The following CDH6 variants were observed in gnomAD, a reference collection of about 807,000 sequenced individuals.
CDH6 encodes cadherin 6.
In CDH6, 31 loss-of-function variants were observed where a neutral mutation model predicts 78.0. The observed-to-expected ratio is 0.40, with a 90% confidence interval of 0.30 to 0.54. CDH6 has a LOEUF of 0.54. Among genes scored for constraint, CDH6 ranks in the 20% least tolerant of loss-of-function variants. The pLI, the probability that CDH6 is intolerant of heterozygous loss-of-function variation, is 0.56. For synonymous variants in CDH6, 376 were observed against 368.8 expected, an observed-to-expected ratio of 1.02 and a Z score of -0.23; for missense variants, 724 against 975.9, an observed-to-expected ratio of 0.74 and a Z score of 3.44.
chr5:31,316,241 A>G lies in CDH6; in HGVS notation c.1424A>G (p.Tyr475Cys). ...AAGCAAAGTAGTCGAGTACCTCTAT[A>G]TATTAAAGTTCTAGATGTCAATGAC... ...NPKQSSRVPLYIKVLDVNDNA... is the reference protein window; with the variant it reads ...NPKQSSRVPLCIKVLDVNDNA... Residue 475 changes from tyrosine to cysteine, a missense_variant, in exon 9 of 12, where the codon TAT becomes TGT. Transcript: ENST00000265071. 6.2e-7 allele frequency: 1 copy of G among 1,613,184 alleles called. No homozygotes were observed.
intron 2 of CDH6, among the ~76,000 whole-genome samples, chr5:31,281,503 T>C (rs1437987308): frequency 6.6e-6 from 1 of 152,198 alleles, no homozygotes; most frequent in Non-Finnish European, 1.5e-5. Context: ...TACCACTGGC[T>C]TTCTGAAAAT....
chr5:31,272,176 A>ATTCTT (rs1411170434), intron 2 of CDH6, among the ~76,000 whole-genome samples: 1 of 152,134 alleles, frequency 6.6e-6, no homozygotes, highest in Non-Finnish European at 1.5e-5. Flanking sequence ...AATTGCCAGG[A>ATTCTT]CCTCCCAATT....
In CDH6 at chr5:31,326,680, AATTTT is replaced by A; in HGVS notation, c.*3373_*3377del. On this transcript the variant is annotated 3_prime_UTR_variant, in exon 12 of 12. Transcript: ENST00000265071. The stretch of plus-strand genomic sequence containing the variant: ...CAAAGAGTTGTGCAGAAAATCTTAA[AATTTT>A]TTTTTTTTTTTTTTTTTTTTTTTTG... 7.7e-6 allele frequency: 1 copy of A among 129,748 alleles called. No homozygotes were observed. 8.0% of individuals were successfully genotyped at this position (129,748 alleles called of 1,614,324 possible). A position where few individuals can be genotyped will look rare whatever the true frequency, so the allele number is the denominator to read the frequency against.
chr5:31,274,768 C>T (rs1259246037), intron 2 of CDH6, among the ~76,000 whole-genome samples: 1 of 152,150 alleles, frequency 6.6e-6, no homozygotes, highest in African/African-American at 2.4e-5. Flanking sequence ...TGCAGTGAGC[C>T]GAGATCTCGC....
chr5:31,218,629 A>G (rs1015835048), intron 1 of CDH6, among the ~76,000 whole-genome samples: 4 of 152,026 alleles, frequency 2.6e-5, no homozygotes, highest in Admixed American at 1.3e-4. Context: ...CTTCTGCCCA[A>G]ATATGTCCAG....
Position 31,294,286 on chromosome 5 carries a change from T to C in CDH6, c.523+30T>C. 6.3e-7 allele frequency: 1 copy of C among 1,589,538 alleles called. No homozygotes were observed. Among genetic ancestry groups the C allele is most frequent in the South Asian group, 1.2e-5 (1 of 85,988 alleles). On this transcript the variant is annotated intron_variant, in intron 3 of 11. Coordinates refer to ENST00000265071, the MANE Select transcript of CDH6 (RefSeq NM_004932.4). The surrounding 1 kb of genome is among the most constrained non-coding windows in gnomAD (Gnocchi z 4.1). ...GTGAGACGTGACTTCAGCCAAAAGC[T>C]GGCTTTCCCCTAGTGCATCCACTGA... is the stretch of plus-strand genomic sequence containing the variant.
intron 5 of CDH6, among the ~76,000 whole-genome samples, chr5:31,299,943 C>T (rs1231213316): frequency 6.6e-6 from 1 of 152,192 alleles, no homozygotes; most frequent in African/African-American, 2.4e-5. Context: ...TACAAGCATG[C>T]TGCAATTTGT....
At chr5:31,253,700 T>C (rs1039374170) in intron 1 of CDH6, among the ~76,000 whole-genome samples, 38 of 152,112 alleles carry the variant, frequency 2.5e-4, no homozygotes, top group Admixed American at 2.4e-3. Flanking sequence ...ATTCAATCAA[T>C]AGCACTGTAT....
intron 1 of CDH6, among the ~76,000 whole-genome samples, chr5:31,259,107 A>G (rs1238590730): frequency 6.6e-6 from 1 of 152,222 alleles, no homozygotes. Context: ...CCTAGCACAT[A>G]ACAAGTTCAG....
intron 1 of CDH6, among the ~76,000 whole-genome samples, chr5:31,238,821 A>G (rs1157386375): frequency 6.6e-6 from 1 of 152,232 alleles, no homozygotes; most frequent in Non-Finnish European, 1.5e-5. Context: ...CCTCTTCTCT[A>G]TACTGTGTGT....
chr5:31,205,582 A>C (rs1345167107), intron 1 of CDH6, among the ~76,000 whole-genome samples: 1 of 152,234 alleles, frequency 6.6e-6, no homozygotes, highest in Non-Finnish European at 1.5e-5. Flanking sequence ...CTGAGTTTAC[A>C]CTTTTAACAT....
chr5:31,199,512 A>ATG lies in CDH6; in HGVS notation c.-129+5628_-129+5629dup, dbSNP rs573085732. 3.0e-3 allele frequency among the ~76,000 whole-genome samples: 288 copies of ATG among 97,086 alleles called. 2 individuals are homozygous for ATG. Among genetic ancestry groups the ATG allele is most frequent in the African/African-American group, 9.3e-3 (280 of 30,104 alleles). The allele number at this position is 97,086 out of a possible 152,430, so 63.7% of individuals were successfully genotyped here. On this transcript the variant is annotated intron_variant, in intron 1 of 11. Transcript: ENST00000265071. The stretch of plus-strand genomic sequence containing the variant: ...TGTACACACACATATGTGTATATAT[A>ATG]TGTACACACACATATGTGTATATAT...
chr5:31,324,442 G>A lies in CDH6; in HGVS notation c.*1134G>A, dbSNP rs1408531433. ...GGAAACCTCTACATATTTATATAAC[G>A]TGATACATTTGGATAAACAACATTG... On this transcript the variant is annotated 3_prime_UTR_variant, in exon 12 of 12. Transcript: ENST00000265071. 4.7e-6 allele frequency: 1 copy of A among 213,380 alleles called. No homozygotes were observed. Among genetic ancestry groups the A allele is most frequent in the African/African-American group, 2.3e-5 (1 of 44,240 alleles). 13.2% of individuals were successfully genotyped at this position (213,380 alleles called of 1,614,324 possible). A position where few individuals can be genotyped will look rare whatever the true frequency, so the allele number is the denominator to read the frequency against.
intron 2 of CDH6, among the ~76,000 whole-genome samples, chr5:31,292,830 T>TATATATATATATGTGTGC (rs1737429446): frequency 3.7e-4 from 5 of 13,412 alleles, no homozygotes; most frequent in Non-Finnish European, 1.6e-3. Flanking sequence ...TGCATATATA[T>TATATATATATATGTGTGC]ATATATATAT....
At chr5:31,235,525 TA>T (rs1482182858) in intron 1 of CDH6, among the ~76,000 whole-genome samples, 7 of 152,216 alleles carry the variant, frequency 4.6e-5, no homozygotes, top group African/African-American at 1.7e-4. Flanking sequence ...CAGTGAAAAC[TA>T]AGTACTCATA....
chr5:31,282,977 T>C (rs377061794), intron 2 of CDH6, among the ~76,000 whole-genome samples: 2 of 152,162 alleles, frequency 1.3e-5, no homozygotes, highest in Middle Eastern at 6.8e-3. Flanking sequence ...AAAGTACACA[T>C]TGATAAGAAA....
chr5:31,233,736 A>G (rs922521315), intron 1 of CDH6, among the ~76,000 whole-genome samples: 2 of 152,134 alleles, frequency 1.3e-5, no homozygotes, highest in African/African-American at 4.8e-5. Flanking sequence ...GCTCATTGTC[A>G]TGATTCCAGT....
At chr5:31,304,171 A>AAAC (rs1305291631) in intron 6 of CDH6, among the ~76,000 whole-genome samples, 2 of 149,366 alleles carry the variant, frequency 1.3e-5, no homozygotes, top group Admixed American at 6.6e-5. Flanking sequence ...CTCATGCAAA[A>AAAC]AACAACAACA....
intron 11 of CDH6, among the ~76,000 whole-genome samples, chr5:31,322,611 T>C (rs1281245159): frequency 6.6e-6 from 1 of 152,236 alleles, no homozygotes; most frequent in Non-Finnish European, 1.5e-5. Flanking sequence ...ACTTAAATTA[T>C]AACCTTCTTT....
Sources: allele counts gnomAD v4.1 joint callset (sites outside exome capture counted in the v4.1 genomes callset), GRCh38; gene constraint gnomAD v4.1.1; non-coding constraint Gnocchi (gnomAD v3.1); transcripts MANE v1.5; gene names NCBI Gene and HGNC (gene_info 2026-07-23, HGNC 2026-07-21).